DAPK1: variants seen among roughly 807,000 people sequenced by gnomAD.
DAPK1 encodes death associated protein kinase 1, also known as death-associated protein kinase 1.
A neutral mutation model predicts 144.9 loss-of-function variants in DAPK1; 56 were observed. The ratio of observed to expected loss-of-function variants is 0.39; its 90% CI spans 0.31 to 0.48. The LOEUF (loss-of-function observed/expected upper bound fraction) is 0.48, where lower values mean the gene tolerates loss of function less well. DAPK1 is among the 20% of genes least tolerant of loss of function. The probability of loss-of-function intolerance (pLI) is 0.95; values close to 1 mark genes in which losing one functional copy is unlikely to be tolerated. For synonymous variants in DAPK1, 690 were observed against 749.0 expected (o/e 0.92, Z 1.29); for missense variants, 1,454 against 1,875.4 (o/e 0.78, Z 4.15).
chr9:87,548,913 C>CTTTTTTTTTTTTTTTTTTTTTT (rs11291160), intron 2 of DAPK1, among the ~76,000 whole-genome samples: 4 of 63,848 alleles, frequency 6.3e-5, no homozygotes, highest in Non-Finnish European at 1.1e-4. Context: ...GATTTCATTC[C>CTTTTTTTTTTTTTTTTTTTTTT]TTTTTTTTTT....
intron 2 of DAPK1, among the ~76,000 whole-genome samples, chr9:87,540,757 A>G (rs1385228880): frequency 6.6e-6 from 1 of 152,200 alleles, no homozygotes; most frequent in Non-Finnish European, 1.5e-5. Flanking sequence ...CCATTATTAT[A>G]TACATCATAC....
At chr9:87,571,460 C>CCCCA (rs1564000685) in intron 2 of DAPK1, among the ~76,000 whole-genome samples, 25 of 66,126 alleles carry the variant, frequency 3.8e-4, no homozygotes, top group African/African-American at 1.2e-3. Context: ...CACACACACA[C>CCCCA]ACACACACAC....
intron 14 of DAPK1, 95 bp from the exon 15 acceptor site, chr9:87,648,686 G>A (rs1218623838): frequency 6.2e-6 from 7 of 1,127,054 alleles, no homozygotes; most frequent in South Asian, 1.3e-5. Flanking sequence ...GGGACAGAGT[G>A]GAACCAGGCA....
At chr9:87,524,323 T>C (rs62562071) in intron 2 of DAPK1, among the ~76,000 whole-genome samples, 13,548 of 152,188 alleles carry the variant, frequency 0.089, 891 homozygotes, top group East Asian at 0.34. Flanking sequence ...AGGGAGCACC[T>C]CTTGTATGCC....
chr9:87,610,673 C>T lies in DAPK1; in HGVS notation c.284+5498C>T, dbSNP rs949950312. Among the ~76,000 whole-genome samples the T allele has an allele frequency of 5.9e-5, 9 of 152,224 alleles. No homozygotes were observed. The South Asian group carries it at 6.2e-4, about 10-fold the overall frequency. ...ATACAATGTAAATGAGGATGGTTGG[C>T]CTCCATGAAGCCTCAGTGTCAGGGA... is the stretch of plus-strand genomic sequence containing the variant. On this transcript the variant is annotated intron_variant, in intron 3 of 25. Transcript: ENST00000408954.
At chr9:87,614,681 G>T (rs906045087) in intron 3 of DAPK1, among the ~76,000 whole-genome samples, 16 of 152,180 alleles carry the variant, frequency 1.1e-4, no homozygotes, top group Admixed American at 6.5e-4. Context: ...CCCCTCACAG[G>T]TACTGGTTTT....
At chr9:87,511,715 GT>G (rs72230231) in intron 2 of DAPK1, among the ~76,000 whole-genome samples, 43,939 of 145,646 alleles carry the variant, frequency 0.3, 8,409 homozygotes, top group African/African-American at 0.52. Flanking sequence ...TCTGTGGTTT[GT>G]TTTTTTTTCT....
At chr9:87,663,409 C>G (rs970466663) in intron 18 of DAPK1, among the ~76,000 whole-genome samples, 1 of 152,142 alleles carries the variant, frequency 6.6e-6, no homozygotes, top group Non-Finnish European at 1.5e-5. Flanking sequence ...CCAGCTGTTG[C>G]CTCCGCTCCC....
At chr9:87,604,152 A>G (rs562595935) in intron 2 of DAPK1, among the ~76,000 whole-genome samples, 15 of 152,006 alleles carry the variant, frequency 9.9e-5, no homozygotes, top group African/African-American at 3.6e-4. Flanking sequence ...TGGTCCCAAG[A>G]CAGTTGGCAG....
At position 87,698,722 on chromosome 9, in the gene DAPK1, A is replaced by G; in HGVS notation, c.2678A>G (p.Asn893Ser). Residue 893 changes from asparagine to serine, a missense_variant, in exon 23 of 26, where the codon AAT becomes AGT. Coordinates refer to ENST00000408954, the MANE Select transcript of DAPK1 (RefSeq NM_004938.4). Reference protein sequence around the residue: ...VLVATHADIMNVPRPAGGEFG... With the variant: ...VLVATHADIMSVPRPAGGEFG... ...GTGGCCACCCACGCTGACATCATGA[A>G]TGTTCCTCGACCGGCTGGAGGCGAG... The G allele has an allele frequency of 1.3e-6, 2 of 1,598,872 alleles. No individual in the cohort carries two copies. Among genetic ancestry groups the G allele is most frequent in the African/African-American group, 1.3e-5 (1 of 74,782 alleles).
chr9:87,508,748 C>CT (rs72447070), intron 2 of DAPK1, among the ~76,000 whole-genome samples: 43,678 of 151,872 alleles, frequency 0.29, 6,850 homozygotes, highest in East Asian at 0.43. Context: ...CAATGCCATT[C>CT]TTTTTTTTCC....
intron 7 of DAPK1, 138 bp from the exon 8 acceptor site, chr9:87,640,160 C>A: frequency 1.1e-6 from 1 of 883,056 alleles, no homozygotes; most frequent in Non-Finnish European, 1.7e-6. Flanking sequence ...ACAGTTAAAG[C>A]CCTATGAAAT....
At chr9:87,657,128 C>G (rs944774009) in intron 17 of DAPK1, among the ~76,000 whole-genome samples, 3 of 152,158 alleles carry the variant, frequency 2.0e-5, no homozygotes, top group Non-Finnish European at 2.9e-5. Context: ...TCCCCTAGAT[C>G]AAAAGAAATC....
chr9:87,703,308 T>C, intron 25 of DAPK1, 91 bp downstream of exon 25: 1 of 708,504 alleles, frequency 1.4e-6, no homozygotes, highest in Non-Finnish European at 2.5e-6. Flanking sequence ...GGTGTGAGCC[T>C]GGGGAAGCAG....
chr9:87,616,883 G>A (rs1309414955), intron 3 of DAPK1, among the ~76,000 whole-genome samples: 1 of 152,212 alleles, frequency 6.6e-6, no homozygotes, highest in Non-Finnish European at 1.5e-5. Context: ...CTAGTGTCCT[G>A]TTTTCAAGGG....
intron 3 of DAPK1, among the ~76,000 whole-genome samples, chr9:87,625,837 A>G (rs780454221): frequency 3.9e-5 from 6 of 152,272 alleles, no homozygotes; most frequent in Admixed American, 6.5e-5. Context: ...CATCACTTTA[A>G]GCAAAGTTAG....
intron 2 of DAPK1, among the ~76,000 whole-genome samples, chr9:87,507,314 G>A (rs938575386): frequency 6.6e-6 from 1 of 152,202 alleles, no homozygotes; most frequent in Non-Finnish European, 1.5e-5. Flanking sequence ...CTGGGTTCAA[G>A]CGATTCTCCT....
chr9:87,645,796 A>C, intron 11 of DAPK1, 99 bp from the exon 12 acceptor site: 3 of 1,466,260 alleles, frequency 2.0e-6, no homozygotes, highest in Non-Finnish European at 2.8e-6. Context: ...TTTCCTCTGA[A>C]TGCCCCTGTT....
intron 5 of DAPK1, 66 bp downstream of exon 5, chr9:87,639,549 T>C (rs1384365969): frequency 3.7e-6 from 6 of 1,609,914 alleles, no homozygotes; most frequent in East Asian, 2.2e-5. Flanking sequence ...CCTCCCCTGC[T>C]AGAAGATTCT....
Sources: allele counts gnomAD v4.1 joint callset (sites outside exome capture counted in the v4.1 genomes callset), GRCh38; gene constraint gnomAD v4.1.1; transcripts MANE v1.5; gene names NCBI Gene and HGNC (gene_info 2026-07-23, HGNC 2026-07-21).